PLA2G2D: variants seen among roughly 807,000 people sequenced by gnomAD.
PLA2G2D encodes group IID secretory phospholipase A2.
PLA2G2D carries 17 observed loss-of-function variants against 13.9 expected under a neutral mutation model. The ratio of observed to expected loss-of-function variants is 1.23; its 90% CI spans 0.84 to 1.84. The LOEUF (loss-of-function observed/expected upper bound fraction) is 1.84, where lower values mean the gene tolerates loss of function less well. Ranked by LOEUF, PLA2G2D falls within the 40% of genes most tolerant of loss-of-function variation. The pLI, the probability that PLA2G2D is intolerant of heterozygous loss-of-function variation, is 0.00. For synonymous variants in PLA2G2D, 83 were observed against 69.3 expected (o/e 1.20, Z -0.98); for missense variants, 194 against 178.7 (o/e 1.09, Z -0.49).
chr1:20,117,850 T>TG (rs2017020959), intron 1 of PLA2G2D, among the ~76,000 whole-genome samples: 1 of 151,400 alleles, frequency 6.6e-6, no homozygotes, highest in African/African-American at 2.4e-5. Flanking sequence ...CTGGGAAGGG[T>TG]GGTTGGGAGA....
intron 3 of PLA2G2D, 78 bp downstream of exon 3, chr1:20,115,429 G>A (rs1206023253): frequency 2.4e-6 from 2 of 849,154 alleles, no homozygotes; most frequent in Non-Finnish European, 4.1e-6. Context: ...AGGTCAAGTA[G>A]CTGTGCTGTG....
intron 2 of PLA2G2D, 138 bp from the exon 3 acceptor site, chr1:20,115,751 T>C: frequency 3.0e-6 from 2 of 660,964 alleles, no homozygotes; most frequent in Non-Finnish European, 5.4e-6. Context: ...CTCAGGATCA[T>C]GATGACTAAC....
Position 20,115,625 on chromosome 1 carries a change from A to G in PLA2G2D, c.186-12T>C. 1 of 1,548,762 alleles carries G rather than the reference A, an allele frequency of 6.5e-7. No homozygotes were observed. Among genetic ancestry groups the G allele is most frequent in the South Asian group, 1.1e-5 (1 of 89,660 alleles). On this transcript the variant is annotated splice_polypyrimidine_tract_variant and intron_variant, in intron 2 of 3. Transcript: ENST00000375105. Reference sequence around the variant, plus strand: ...GGGTCTGGCAGCACCTGGAGCAGACAGGGTGCACAGCTGCATGGGTCCCCA... The same window carrying G: ...GGGTCTGGCAGCACCTGGAGCAGACGGGGTGCACAGCTGCATGGGTCCCCA...
rs747173656 is a variant in PLA2G2D at position 20,114,171 on chromosome 1, C to G, written c.381G>C (p.Gln127His). ...GCCGCCAGTAGAAACGCAGTCGCTT[C>G]TGGTAGGTGTCCAGGTTGCGCTTCA... ...FCLKRNLDTY[Q>H]KRLRFYWRPH... The change falls in exon 4 of 4, where the codon CAG becomes CAC. Residue 127 changes from glutamine to histidine, a missense_variant. By Grantham distance (24) the Gln-to-His change is conservative. Transcript: ENST00000375105. 26 of 1,613,106 alleles carry G rather than the reference C, an allele frequency of 1.6e-5. No individual in the cohort carries two copies. The highest frequency in any genetic ancestry group is 2.2e-5 in the Non-Finnish European group (26 of 1,179,588).
At chr1:20,118,215 T>C (rs1199238025) in intron 1 of PLA2G2D, among the ~76,000 whole-genome samples, 1 of 152,222 alleles carries the variant, frequency 6.6e-6, no homozygotes, top group African/African-American at 2.4e-5. Flanking sequence ...CTCTTTTTTT[T>C]GCCCTAAATA....
At chr1:20,116,551 AC>A in intron 1 of PLA2G2D, 74 bp from the exon 2 acceptor site, 1 of 1,419,488 alleles carries the variant, frequency 7.0e-7, no homozygotes, top group South Asian at 1.2e-5. Flanking sequence ...ACAGGACGGC[AC>A]CTCTGCTCTG....
At position 20,113,779 on chromosome 1, in the gene PLA2G2D, T is replaced by C. The variant is rs56070498; in HGVS notation, c.*335A>G. 7.4e-3 allele frequency: 1,970 copies of C among 267,960 alleles called. 32 individuals are homozygous for C. The highest frequency in any genetic ancestry group is 0.038 in the African/African-American group (1,728 of 45,380). The allele number at this position is 267,960 out of a possible 1,614,324, so 16.6% of individuals were successfully genotyped here. ...CTGCGGTTGTAGCTCCGAGACTATA[T>C]TGGAGGGGGTGAGGAAGGACAAGGG... On this transcript the variant is annotated 3_prime_UTR_variant, in exon 4 of 4. Transcript: ENST00000375105.
At chr1:20,114,548 C>T (rs1410452377) in intron 3 of PLA2G2D, among the ~76,000 whole-genome samples, 1 of 152,108 alleles carries the variant, frequency 6.6e-6, no homozygotes, top group Non-Finnish European at 1.5e-5. Flanking sequence ...GGTATTAGAG[C>T]ACCACAGGGA....
At position 20,114,153 on chromosome 1, in the gene PLA2G2D, G is replaced by C; in HGVS notation, c.399C>G (p.Tyr133Ter). The change falls in exon 4 of 4, where the codon TAC (tyrosine) becomes TAG (stop). Residue 133 changes from tyrosine (Y) to a stop codon, truncating the protein, a stop_gained. Coordinates refer to ENST00000375105, the MANE Select transcript of PLA2G2D (RefSeq NM_012400.4). LOFTEE classifies it low-confidence loss of function (END_TRUNC). ...LDTYQKRLRF[Y>*]WRPHCRGQTP... The stretch of plus-strand genomic sequence containing the variant: ...TCTGCCCCCGGCAGTGGGGCCGCCA[G>C]TAGAAACGCAGTCGCTTCTGGTAGG... The C allele has an allele frequency of 6.2e-7, 1 of 1,613,924 alleles. No homozygotes were observed. Among genetic ancestry groups the C allele is most frequent in the Non-Finnish European group, 8.5e-7 (1 of 1,179,988 alleles).
At chr1:20,114,355 C>T in intron 3 of PLA2G2D, 96 bp from the exon 4 acceptor site, 1 of 1,334,982 alleles carries the variant, frequency 7.5e-7, no homozygotes, top group Non-Finnish European at 1.0e-6. Context: ...AGTTCCTACT[C>T]AGTCGTAGAG....
At chr1:20,114,718 AC>A (rs2016949003) in intron 3 of PLA2G2D, among the ~76,000 whole-genome samples, 1 of 151,760 alleles carries the variant, frequency 6.6e-6, no homozygotes, top group Non-Finnish European at 1.5e-5. Flanking sequence ...CTATGCAAAG[AC>A]TCCCGGGCAG....
rs62541862 is a variant in PLA2G2D, at chr1:20,117,296, T to C, written c.41-819A>G. On this transcript the variant is annotated intron_variant, in intron 1 of 3. Transcript: ENST00000375105. ...GGCTGGTAAATGGAGCCAGAATTCATCATTTACAACAGTCTGGTTTCATTC... is the reference window on the plus strand; with the variant it reads ...GGCTGGTAAATGGAGCCAGAATTCACCATTTACAACAGTCTGGTTTCATTC... Among the ~76,000 whole-genome samples the C allele has an allele frequency of 2.6e-3, 402 of 152,302 alleles. 2 individuals are homozygous for C. Among genetic ancestry groups the C allele is most frequent in the Middle Eastern group, 0.014 (4 of 294 alleles).
Position 20,114,126 on chromosome 1 carries a change from G to A in PLA2G2D, c.426C>T (p.Thr142=). Residue 142 remains threonine, a synonymous_variant, in exon 4 of 4, where the codon ACC becomes ACT. Coordinates refer to ENST00000375105, the MANE Select transcript of PLA2G2D (RefSeq NM_012400.4). The part of the protein sequence containing the change: ...FYWRPHCRGQ[T]PGC ...AGGGTGTGGGCTTCTAGCACCCAGGGGTCTGCCCCCGGCAGTGGGGCCGCC... is the reference window on the plus strand; with the variant it reads ...AGGGTGTGGGCTTCTAGCACCCAGGAGTCTGCCCCCGGCAGTGGGGCCGCC... The A allele has an allele frequency of 6.2e-7, 1 of 1,613,124 alleles. No individual in the cohort carries two copies. Among genetic ancestry groups the A allele is most frequent in the Non-Finnish European group, 8.5e-7 (1 of 1,179,900 alleles).
intron 3 of PLA2G2D, among the ~76,000 whole-genome samples, chr1:20,114,760 G>A (rs1470036878): frequency 1.3e-5 from 2 of 152,130 alleles, no homozygotes; most frequent in African/African-American, 2.4e-5. Context: ...TCCATGAAGC[G>A]GGGATAATGG....
At chr1:20,115,296 G>T (rs959216855) in intron 3 of PLA2G2D, among the ~76,000 whole-genome samples, 5 of 152,090 alleles carry the variant, frequency 3.3e-5, no homozygotes, top group Admixed American at 3.3e-4. Context: ...GTCAGTCGTG[G>T]GCCTGAATTC....
chr1:20,118,482 T>A (rs1432894562), intron 1 of PLA2G2D, among the ~76,000 whole-genome samples: 2 of 152,166 alleles, frequency 1.3e-5, no homozygotes, highest in African/African-American at 4.8e-5. Flanking sequence ...TGGCTGCCAC[T>A]GACAGGGGTG....
chr1:20,119,345 G>T (rs918372681), intron 1 of PLA2G2D, 114 bp downstream of exon 1: 3 of 931,444 alleles, frequency 3.2e-6, no homozygotes, highest in Non-Finnish European at 5.4e-6. Flanking sequence ...ATTGGGGAGT[G>T]GGGGCCAGGC....
Position 20,116,399 on chromosome 1 carries a change from G to A in PLA2G2D, c.119C>T (p.Ser40Phe), listed in dbSNP as rs150308484. The change falls in exon 2 of 4, where the codon TCC (serine) becomes TTC (phenylalanine). Residue 40 changes from serine to phenylalanine, a missense_variant. By Grantham distance (155) the Ser-to-Phe change is radical. Coordinates refer to ENST00000375105, the MANE Select transcript of PLA2G2D (RefSeq NM_012400.4). ...KQVTGKMPIL[S>F]YWPYGCHCGL... ...GCAGTGACAGCCGTAGGGCCAGTAG[G>A]AGAGGATGGGCATTTTCCCAGTCAC... 6.6e-5 allele frequency: 107 copies of A among 1,614,190 alleles called. No homozygotes were observed. The African/African-American group carries it at 1.3e-3, about 19-fold the overall frequency.
At chr1:20,118,051 T>G (rs1472523785) in intron 1 of PLA2G2D, among the ~76,000 whole-genome samples, 1 of 152,136 alleles carries the variant, frequency 6.6e-6, no homozygotes, top group African/African-American at 2.4e-5. Flanking sequence ...TTGGCTGCAC[T>G]GGTGAAGGAT....
Sources: gnomAD v4.1 joint callset for allele counts (sites outside exome capture counted in the v4.1 genomes callset) on GRCh38, gnomAD v4.1.1 for gene constraint, MANE v1.5 for transcripts, NCBI Gene and HGNC (gene_info 2026-07-23, HGNC 2026-07-21) for gene names.